GLIS3: variants seen among roughly 807,000 people sequenced by gnomAD.
The protein encoded by GLIS3 is GLIS family zinc finger 3, also known as zinc finger protein GLIS3.
In GLIS3, 53 loss-of-function variants were observed where a neutral mutation model predicts 78.6. The observed-to-expected ratio is 0.67, with a 90% CI of 0.54 to 0.85. GLIS3 has a LOEUF of 0.85. GLIS3 is among the 40% of genes least tolerant of loss of function. The pLI is 0.00. For missense variants in GLIS3, 1,703 were observed against 1,231.1 expected (o/e 1.38, Z -5.74); for synonymous variants, 684 against 509.9 (o/e 1.34, Z -4.60).
intron 4 of GLIS3, among the ~76,000 whole-genome samples, chr9:4,099,024 C>G (rs935956086): frequency 6.6e-6 from 1 of 152,160 alleles, no homozygotes; most frequent in Non-Finnish European, 1.5e-5. Flanking sequence ...CTGGTTGACC[C>G]TTCCCACTGC....
At chr9:4,226,969 T>A (rs1175185613) in intron 2 of GLIS3, among the ~76,000 whole-genome samples, 1 of 152,228 alleles carries the variant, frequency 6.6e-6, no homozygotes, top group Non-Finnish European at 1.5e-5. Context: ...CTCAGCCATA[T>A]AGAGATAAAT....
chr9:4,360,353 A>G, the GLIS3 span, among the ~76,000 whole-genome samples: 30 of 152,138 alleles, frequency 2.0e-4, 1 homozygote, highest in Non-Finnish European at 3.1e-4. Flanking sequence ...AGAGACTGAA[A>G]CCCTCCCAGC....
intron 2 of GLIS3, among the ~76,000 whole-genome samples, chr9:4,312,066 T>G (rs73386204): frequency 0.07 from 10,580 of 152,190 alleles, 1,223 homozygotes; most frequent in African/African-American, 0.24. Flanking sequence ...CAAAACAATT[T>G]GTACAACAAA....
intron 1 of GLIS3, among the ~76,000 whole-genome samples, chr9:4,297,146 A>G (rs913831444): frequency 2.0e-5 from 3 of 152,180 alleles, no homozygotes; most frequent in Non-Finnish European, 4.4e-5. Context: ...TTTAGTCTAA[A>G]AAGGGAGGTC....
chr9:3,997,950 C>T (rs1820860888), intron 4 of GLIS3, among the ~76,000 whole-genome samples: 1 of 151,886 alleles, frequency 6.6e-6, no homozygotes, highest in African/African-American at 2.4e-5. Flanking sequence ...ACATAAAACC[C>T]CTACAGAAAA....
chr9:4,486,819 A>G, the GLIS3 span, among the ~76,000 whole-genome samples: 6 of 152,102 alleles, frequency 3.9e-5, no homozygotes, highest in Non-Finnish European at 8.8e-5. Context: ...CCTCCCAAGT[A>G]GTGAGGACTA....
chr9:4,061,718 T>A (rs571760538), intron 4 of GLIS3, among the ~76,000 whole-genome samples: 1 of 152,312 alleles, frequency 6.6e-6, no homozygotes, highest in South Asian at 2.1e-4. Flanking sequence ...AGCTTCATGA[T>A]AGCCAACAAC....
intron 4 of GLIS3, among the ~76,000 whole-genome samples, chr9:4,090,328 C>G (rs189168326): frequency 1.1e-3 from 171 of 152,200 alleles, no homozygotes; most frequent in Non-Finnish European, 1.7e-3. Context: ...AAGAAAAGCC[C>G]TTGAATTCAT....
chr9:4,344,547 C>T (rs1387772066), intron 2 of GLIS3, among the ~76,000 whole-genome samples: 1 of 152,214 alleles, frequency 6.6e-6, no homozygotes, highest in Non-Finnish European at 1.5e-5. Context: ...CTCTTTCACA[C>T]TCGCTCACTC....
the GLIS3 span, among the ~76,000 whole-genome samples, chr9:4,459,937 G>A: frequency 6.6e-6 from 1 of 152,356 alleles, no homozygotes. Flanking sequence ...ACCATGGTGG[G>A]GGAGAGGGAA....
chr9:4,189,180 G>C (rs1424876616), intron 2 of GLIS3, among the ~76,000 whole-genome samples: 1 of 151,714 alleles, frequency 6.6e-6, no homozygotes. Flanking sequence ...GTGTCCCAGA[G>C]ATTCTGGTAT....
rs143105000 is a variant in GLIS3, at chr9:4,098,405, A to C, written c.1710+19363T>G. Among the ~76,000 whole-genome samples the C allele has an allele frequency of 8.9e-3, 1,361 of 152,320 alleles. 70 individuals are homozygous for C. Among genetic ancestry groups the C allele is most frequent in the Admixed American group, 0.079 (1,213 of 15,298 alleles). On this transcript the variant is annotated intron_variant, in intron 4 of 10. Coordinates refer to ENST00000381971, the MANE Select transcript of GLIS3 (RefSeq NM_001042413.2). ...GAATGATATAGAAGGGACACCACTA[A>C]CATTTTCCATGAGCAAGATCGATAC...
At chr9:4,359,877 T>C in the GLIS3 span, among the ~76,000 whole-genome samples, 1 of 151,918 alleles carries the variant, frequency 6.6e-6, no homozygotes, top group African/African-American at 2.4e-5. Flanking sequence ...TCCTTTGTTC[T>C]ATGCTGAGAT....
At chr9:4,286,661 C>A in intron 1 of GLIS3, 138 bp from the exon 2 acceptor site, 1 of 576,602 alleles carries the variant, frequency 1.7e-6, no homozygotes, top group South Asian at 2.0e-5. Context: ...AGAAAAGGGT[C>A]CTCAAATACA....
At chr9:4,013,612 G>C (rs1462455310) in intron 4 of GLIS3, among the ~76,000 whole-genome samples, 1 of 152,176 alleles carries the variant, frequency 6.6e-6, no homozygotes, top group Non-Finnish European at 1.5e-5. Flanking sequence ...ATCAAATGTA[G>C]AACACAGGAG....
the GLIS3 span, among the ~76,000 whole-genome samples, chr9:4,469,368 C>A: frequency 6.6e-6 from 1 of 151,866 alleles, no homozygotes; most frequent in South Asian, 2.1e-4. Context: ...TATTCCAAAA[C>A]TGACCACATA....
At chr9:4,303,441 G>GT (rs1390547169), upstream of GLIS3, among the ~76,000 whole-genome samples, 2 of 152,162 alleles carry the variant, frequency 1.3e-5, no homozygotes, top group Admixed American at 1.3e-4. Flanking sequence ...TTCACATTAT[G>GT]TTATCAGTGT....
chr9:3,947,393 C>T (rs970012241), intron 4 of GLIS3, among the ~76,000 whole-genome samples: 1 of 152,224 alleles, frequency 6.6e-6, no homozygotes, highest in African/African-American at 2.4e-5. Context: ...AACATACATA[C>T]AGCAACACAA....
chr9:4,055,412 A>C (rs1449966136), intron 4 of GLIS3, among the ~76,000 whole-genome samples: 1 of 152,018 alleles, frequency 6.6e-6, no homozygotes, highest in African/African-American at 2.4e-5. Context: ...CCTTTACTGA[A>C]CTCTTTCCAT....
Sources: allele counts gnomAD v4.1 joint callset (sites outside exome capture counted in the v4.1 genomes callset), GRCh38; gene constraint gnomAD v4.1.1; transcripts MANE v1.5; gene names NCBI Gene and HGNC (gene_info 2026-07-23, HGNC 2026-07-21).